Variants in ANXA8 observed in about 807,000 individuals in gnomAD.
ANXA8 encodes VAC-beta.
ANXA8 carries 9 observed loss-of-function variants against 26.8 expected under a neutral mutation model. That is an observed-to-expected ratio of 0.34 (90% CI 0.20 to 0.59). The LOEUF (loss-of-function observed/expected upper bound fraction) is 0.59, where lower values mean the gene tolerates loss of function less well. Among genes scored for constraint, ANXA8 ranks in the 20% least tolerant of loss-of-function variants. The probability of loss-of-function intolerance (pLI) is 0.84; values close to 1 mark genes in which losing one functional copy is unlikely to be tolerated. For missense variants in ANXA8, 83 were observed against 238.5 expected (o/e 0.35, Z 4.29); for synonymous variants, 39 against 94.8 (o/e 0.41, Z 3.42).
chr10:47,676,615 A>G, the ANXA8 span, among the ~76,000 whole-genome samples: 1 of 151,716 alleles, frequency 6.6e-6, no homozygotes, highest in Non-Finnish European at 1.5e-5. Context: ...AAGTAGTGAG[A>G]CCCCATCTCT....
the ANXA8 span, among the ~76,000 whole-genome samples, chr10:47,681,355 A>C: frequency 6.6e-6 from 1 of 150,926 alleles, no homozygotes; most frequent in Non-Finnish European, 1.5e-5. Context: ...TAAGTAGCAA[A>C]GTTCTTTTTT....
At chr10:47,699,478 A>T in the ANXA8 span, among the ~76,000 whole-genome samples, 16 of 151,590 alleles carry the variant, frequency 1.1e-4, no homozygotes, top group Non-Finnish European at 1.0e-4. Flanking sequence ...AAGTTAAAAC[A>T]AATTTAAATA....
chr10:47,521,348 ACAAT>A, the ANXA8 span, among the ~76,000 whole-genome samples: 1 of 140,790 alleles, frequency 7.1e-6, no homozygotes, highest in Non-Finnish European at 1.5e-5. Context: ...GTATAAAGGT[ACAAT>A]CAATTAATTC....
At chr10:47,981,192 G>A in the ANXA8 span, among the ~76,000 whole-genome samples, 3 of 151,490 alleles carry the variant, frequency 2.0e-5, no homozygotes, top group African/African-American at 4.8e-5. Context: ...ATAAAATGAA[G>A]GACAAAATCC....
the ANXA8 span, among the ~76,000 whole-genome samples, chr10:47,562,216 G>A: frequency 6.6e-6 from 1 of 151,334 alleles, no homozygotes; most frequent in Non-Finnish European, 1.5e-5. Context: ...TAAGGTTGAT[G>A]TTTTCAGAAA....
At chr10:47,533,218 CACACA>C in the ANXA8 span, among the ~76,000 whole-genome samples, 3 of 112,300 alleles carry the variant, frequency 2.7e-5, no homozygotes, top group South Asian at 2.6e-4. Context: ...CACACACACA[CACACA>C]CCCCCGCAGA....
chr10:47,652,256 A>G, the ANXA8 span, among the ~76,000 whole-genome samples: 158 of 151,670 alleles, frequency 1.0e-3, no homozygotes, highest in African/African-American at 3.6e-3. Context: ...ACTGAATTGT[A>G]TACTTTGAAA....
At chr10:47,682,310 A>G in the ANXA8 span, among the ~76,000 whole-genome samples, 2 of 142,432 alleles carry the variant, frequency 1.4e-5, no homozygotes, top group Admixed American at 1.4e-4. Flanking sequence ...ATGTGTTTAT[A>G]TGGTTCTTAA....
At chr10:47,495,831 G>A in the ANXA8 span, among the ~76,000 whole-genome samples, 6 of 151,408 alleles carry the variant, frequency 4.0e-5, no homozygotes, top group South Asian at 1.0e-3. Flanking sequence ...AGGGCATGGG[G>A]GGCAACCCAG....
chr10:47,639,258 G>T, the ANXA8 span, among the ~76,000 whole-genome samples: 3 of 126,492 alleles, frequency 2.4e-5, no homozygotes, highest in African/African-American at 6.3e-5. Flanking sequence ...TCAGCCTCCC[G>T]AGCAGCTGGG....
the ANXA8 span, chr10:47,510,400 A>C: frequency 5.9e-5 from 81 of 1,384,438 alleles, 5 homozygotes; most frequent in Middle Eastern, 1.1e-3. Context: ...ATCATGTGCA[A>C]TCTATAGAAA....
Position 47,475,316 on chromosome 10 carries a change from G to C in ANXA8, c.492+177C>G, listed in dbSNP as rs1397927738. 9.9e-5 allele frequency among the ~76,000 whole-genome samples: 15 copies of C among 151,846 alleles called. No homozygotes were observed. In the South Asian group the frequency reaches 2.1e-3, roughly 21 times the overall value. ...CACATGGCTGAGTAAGGACAGGTGT[G>C]GGGGCTCTGCAGTTGGGACCCTCTA... On this transcript the variant is annotated intron_variant, in intron 6 of 11. Coordinates refer to ENST00000585281, the MANE Select transcript of ANXA8 (RefSeq NM_001040084.3).
the ANXA8 span, chr10:47,502,181 G>A: frequency 1.9e-6 from 3 of 1,547,186 alleles, no homozygotes; most frequent in Non-Finnish European, 2.6e-6. Context: ...GGCATCTCGG[G>A]CCATGACGTC....
chr10:47,487,877 CCT>C (rs1370341365), upstream of ANXA8, among the ~76,000 whole-genome samples: 1 of 150,372 alleles, frequency 6.7e-6, no homozygotes, highest in Non-Finnish European at 1.5e-5. Flanking sequence ...AAGATTCTCC[CCT>C]CTCCAAGATT....
chr10:47,720,201 C>T, the ANXA8 span: 1 of 992,762 alleles, frequency 1.0e-6, no homozygotes, highest in Non-Finnish European at 1.4e-6. Flanking sequence ...TGATAGATAG[C>T]TATTTATGGT....
At chr10:47,511,233 G>A in the ANXA8 span, among the ~76,000 whole-genome samples, 1 of 141,450 alleles carries the variant, frequency 7.1e-6, no homozygotes, top group Non-Finnish European at 1.5e-5. Flanking sequence ...GTGAGCCACG[G>A]CGCCCAGTCC....
the ANXA8 span, among the ~76,000 whole-genome samples, chr10:47,500,841 A>C: frequency 0.24 from 18,729 of 78,170 alleles, 85 homozygotes; most frequent in East Asian, 0.35. Context: ...TCATGCCATT[A>C]TCCTGCCTCA....
chr10:47,552,850 G>A, the ANXA8 span, among the ~76,000 whole-genome samples: 5 of 151,958 alleles, frequency 3.3e-5, no homozygotes, highest in Middle Eastern at 3.4e-3. Flanking sequence ...CCAGAAAATG[G>A]ATATAGCTAT....
chr10:47,703,447 G>A, the ANXA8 span, among the ~76,000 whole-genome samples: 15 of 150,778 alleles, frequency 9.9e-5, no homozygotes, highest in African/African-American at 2.7e-4. Context: ...GTGCCCCTAT[G>A]GTCCCAGCTA....
Sources: gnomAD v4.1 joint callset for allele counts (sites outside exome capture counted in the v4.1 genomes callset) on GRCh38, gnomAD v4.1.1 for gene constraint, MANE v1.5 for transcripts, NCBI Gene and HGNC (gene_info 2026-07-23, HGNC 2026-07-21) for gene names.